The following ZHX1 variants were observed in gnomAD, a reference collection of about 807,000 sequenced individuals.
ZHX1 encodes the protein zinc fingers and homeoboxes protein 1.
A neutral mutation model predicts 61.8 loss-of-function variants in ZHX1; 20 were observed. The observed-to-expected ratio is 0.32, with a 90% confidence interval of 0.23 to 0.47. ZHX1 has a LOEUF of 0.47. ZHX1 is among the 20% of genes least tolerant of loss of function. The pLI is 1.00. For missense variants in ZHX1, 800 were observed against 1,034.8 expected, an observed-to-expected ratio of 0.77 and a Z score of 3.11; for synonymous variants, 318 against 352.6, an observed-to-expected ratio of 0.90 and a Z score of 1.10.
At chr8:123,257,746 G>A (rs1047406667) in intron 2 of ZHX1, among the ~76,000 whole-genome samples, 9 of 152,146 alleles carry the variant, frequency 5.9e-5, no homozygotes, top group Admixed American at 2.0e-4. Context: ...CTAACAGAAG[G>A]CAGAGTTCAG....
rs755157901 is a variant in ZHX1 at position 123,269,115 on chromosome 8, C to T, written c.-339-1729G>A. Among the ~76,000 whole-genome samples, 26 of 152,258 alleles carry T rather than the reference C, an allele frequency of 1.7e-4. No individual in the cohort carries two copies. In the Middle Eastern group the frequency reaches 0.01, roughly 60 times the overall value. ...TTCCTGGTATCTCCTTGTTCCGCCA[C>T]TCGTTAGCCATCAATCTACAGGATG... On this transcript the variant is annotated intron_variant, in intron 1 of 3. Transcript: ENST00000395571.
rs1826017148 is a variant in ZHX1 at position 123,254,646 on chromosome 8, G to A, written c.1301C>T (p.Ala434Val). The A allele has an allele frequency of 2.5e-6, 4 of 1,614,194 alleles. No individual in the cohort carries two copies. Among genetic ancestry groups the A allele is most frequent in the Non-Finnish European group, 3.4e-6 (4 of 1,180,024 alleles). The change falls in exon 3 of 4, where the codon GCT (alanine) becomes GTT (valine). Residue 434 changes from alanine to valine, a missense_variant. Physicochemically the swap from Ala to Val is moderately conservative, Grantham distance 64. Transcript: ENST00000395571. This position sits in a 1 kb window ranked among gnomAD's most constrained non-coding sequence, Gnocchi z 4.1. ...TGGCTTTGTTTCTGCAGTAGGCTGA[G>A]CAGCAGGTACCTGACTTTTCTGTAT... Reference protein sequence around the residue: ...NNIQKSQVPAAQPTAETKPAT... With the variant: ...NNIQKSQVPAVQPTAETKPAT...
chr8:123,255,839 T>A lies in ZHX1; in HGVS notation c.108A>T (p.Thr36=), dbSNP rs2131193478. The A allele has an allele frequency of 6.2e-7, 1 of 1,614,188 alleles. No homozygotes were observed. Among genetic ancestry groups the A allele is most frequent in the Middle Eastern group, 1.7e-4 (1 of 6,060 alleles). The change falls in exon 3 of 4, where the codon ACA becomes ACT. Residue 36 remains threonine (T), a synonymous_variant. Coordinates refer to ENST00000395571, the MANE Select transcript of ZHX1 (RefSeq NM_007222.5). Reference sequence around the variant, plus strand: ...TCTCTGCTCTGGTGTTTTCTACAGGTGTAAGCACAGGAGGACCTTCATCCA... The same window carrying A: ...TCTCTGCTCTGGTGTTTTCTACAGGAGTAAGCACAGGAGGACCTTCATCCA... ...SDLDEGPPVL[T]PVENTRAESI... is the part of the protein sequence containing the mutation.
chr8:123,273,084 C>A (rs994576395), intron 1 of ZHX1, among the ~76,000 whole-genome samples: 1 of 151,694 alleles, frequency 6.6e-6, no homozygotes, highest in Admixed American at 6.6e-5. Flanking sequence ...AGTCTCTGTT[C>A]TAATTCCCCC....
chr8:123,254,306 C>T lies in ZHX1; in HGVS notation c.1641G>A (p.Thr547=), dbSNP rs371126326. The T allele has an allele frequency of 7.9e-5, 127 of 1,613,936 alleles. No individual in the cohort carries two copies. The highest frequency in any genetic ancestry group is 4.0e-4 in the Admixed American group (24 of 59,986). Residue 547 remains threonine, a synonymous_variant, in exon 3 of 4, where the codon ACG becomes ACA. Transcript: ENST00000395571. This position sits in a 1 kb window ranked among gnomAD's most constrained non-coding sequence, Gnocchi z 4.1. ...TIIIDSSDET[T]ESPTVGTAQP... ...GTGCAGTACCAACAGTTGGGGATTC[C>T]GTGGTTTCATCACTGGAGTCTATAA...
chr8:123,256,679 G>A (rs369130588), intron 2 of ZHX1, among the ~76,000 whole-genome samples: 2 of 151,428 alleles, frequency 1.3e-5, no homozygotes, highest in East Asian at 1.9e-4. Flanking sequence ...TAGGAGAATC[G>A]CTTGAACCCA....
chr8:123,254,111 G>A lies in ZHX1; in HGVS notation c.1836C>T (p.Ile612=), dbSNP rs766855693. 2.5e-5 allele frequency: 40 copies of A among 1,613,892 alleles called. No individual in the cohort carries two copies. The highest frequency in any genetic ancestry group is 3.3e-5 in the South Asian group (3 of 91,078). Reference sequence around the variant, plus strand: ...TCTTCTTCTCTGTAAACCAAGCATCGATTTCTCTTCTGGTAAGTTTGGTTT... The same window carrying A: ...TCTTCTTCTCTGTAAACCAAGCATCAATTTCTCTTCTGGTAAGTTTGGTTT... ...RAQTKLTRRE[I]DAWFTEKKKS... is the part of the protein sequence containing the mutation. The change falls in exon 3 of 4, where the codon ATC becomes ATT. Residue 612 remains isoleucine, a synonymous_variant. Transcript: ENST00000395571. The surrounding 1 kb of genome is among the most constrained non-coding windows in gnomAD (Gnocchi z 4.1).
Position 123,254,353 on chromosome 8 carries a change from T to A in ZHX1, c.1594A>T (p.Asn532Tyr). 1.2e-6 allele frequency: 2 copies of A among 1,614,092 alleles called. No individual in the cohort carries two copies. Among genetic ancestry groups the A allele is most frequent in the Non-Finnish European group, 1.7e-6 (2 of 1,180,000 alleles). Residue 532 changes from asparagine to tyrosine, a missense_variant, in exon 3 of 4, where the codon AAT becomes TAT. Coordinates refer to ENST00000395571, the MANE Select transcript of ZHX1 (RefSeq NM_007222.5). The surrounding 1 kb of genome is among the most constrained non-coding windows in gnomAD (Gnocchi z 4.1). Reference protein sequence around the residue: ...SKSNQCLHLNNDSSTTIIIDS... With the variant: ...SKSNQCLHLNYDSSTTIIIDS... ...ATAATAATGGTGGTAGAGGAATCAT[T>A]GTTGAGATGTAAGCACTGATTACTC...
chr8:123,263,863 A>G (rs1184791820), intron 2 of ZHX1, among the ~76,000 whole-genome samples: 1 of 152,172 alleles, frequency 6.6e-6, no homozygotes, highest in Non-Finnish European at 1.5e-5. Flanking sequence ...ATATAACTAT[A>G]CTATGTATTA....
rs1361075964 is a variant in ZHX1, at chr8:123,255,472, T to C, written c.475A>G (p.Lys159Glu). The C allele has an allele frequency of 3.7e-6, 6 of 1,613,396 alleles. No homozygotes were observed. The highest frequency in any genetic ancestry group is 2.2e-5 in the South Asian group (2 of 91,084). ...TCTGCTTGCTCTGCATTCTCCTCTT[T>C]AACAAAACTACCATCAAAAGTCAGA... ...NDLTFDGSFV[K>E]EENAEQAEST... Residue 159 changes from lysine to glutamate, a missense_variant, in exon 3 of 4, where the codon AAA becomes GAA. Coordinates refer to ENST00000395571, the MANE Select transcript of ZHX1 (RefSeq NM_007222.5).
intron 3 of ZHX1, among the ~76,000 whole-genome samples, chr8:123,252,081 G>A (rs1825935479): frequency 2.0e-5 from 3 of 152,130 alleles, no homozygotes; most frequent in African/African-American, 4.8e-5. Context: ...AAAAGCCAAG[G>A]AAATAAGTAA....
chr8:123,261,245 A>G (rs891827776), intron 2 of ZHX1, among the ~76,000 whole-genome samples: 3 of 152,360 alleles, frequency 2.0e-5, no homozygotes, highest in Middle Eastern at 3.4e-3. Context: ...TTATAAAGTC[A>G]TAAGTTTGGA....
chr8:123,272,724 T>C (rs750392169), intron 1 of ZHX1, among the ~76,000 whole-genome samples: 1 of 152,142 alleles, frequency 6.6e-6, no homozygotes, highest in Non-Finnish European at 1.5e-5. Flanking sequence ...AAATCTAAAG[T>C]GCTCTTATAT....
At chr8:123,267,650 G>A (rs1171881799) in intron 1 of ZHX1, among the ~76,000 whole-genome samples, 3 of 152,000 alleles carry the variant, frequency 2.0e-5, no homozygotes, top group Admixed American at 6.6e-5. Context: ...ATTTCAAAAC[G>A]TGAATATATG....
In ZHX1 at chr8:123,268,632, C is replaced by A. The variant is rs180677931; in HGVS notation, c.-339-1246G>T. 1.5e-4 allele frequency among the ~76,000 whole-genome samples: 23 copies of A among 152,188 alleles called. No homozygotes were observed. In the East Asian group the frequency reaches 4.4e-3, roughly 29 times the overall value. ...TCAGCCTCCCGAGTAGCTGGGATTA[C>A]AGGCACACGCCACCACACCCAACTA... On this transcript the variant is annotated intron_variant, in intron 1 of 3. Coordinates refer to ENST00000395571, the MANE Select transcript of ZHX1 (RefSeq NM_007222.5).
At position 123,253,751 on chromosome 8, in the gene ZHX1, A is replaced by G. The variant is rs1353766007; in HGVS notation, c.2196T>C (p.Ser732=). The change falls in exon 3 of 4, where the codon AGT becomes AGC. Residue 732 remains serine (S), a synonymous_variant. Coordinates refer to ENST00000395571, the MANE Select transcript of ZHX1 (RefSeq NM_007222.5). The part of the protein sequence containing the change: ...WYYYYQSANS[S]SMNGLSSLRK... The stretch of plus-strand genomic sequence containing the variant: ...TAAGGGAAGACAGACCATTCATACT[A>G]CTTGAATTGGCGCTCTGATAGTAGT... The G allele has an allele frequency of 1.2e-6, 2 of 1,613,958 alleles. No homozygotes were observed. Among genetic ancestry groups the G allele is most frequent in the Non-Finnish European group, 1.7e-6 (2 of 1,180,002 alleles).
Position 123,249,807 on chromosome 8 carries a change from C to T in ZHX1, c.*517G>A, listed in dbSNP as rs148236903. The T allele has an allele frequency of 2.8e-5, 4 of 140,940 alleles. No individual in the cohort carries two copies. Among genetic ancestry groups the T allele is most frequent in the African/African-American group, 8.0e-5 (3 of 37,674 alleles). The allele number at this position is 140,940 out of a possible 1,614,324, so 8.7% of individuals were successfully genotyped here. On this transcript the variant is annotated 3_prime_UTR_variant, in exon 4 of 4. Coordinates refer to ENST00000395571, the MANE Select transcript of ZHX1 (RefSeq NM_007222.5). ...ACAACTTTTAATCTTAGTGCAGGGT[C>T]TGATAAATAAGACATAGTAATAAAT...
Position 123,249,650 on chromosome 8 carries a change from TAGAAACAGTG to T in ZHX1, c.*664_*673del, listed in dbSNP as rs1825862634. ...CAGCTTCTAATGGAACAAGTAACAG[TAGAAACAGTG>T]GTATTCATGGATGTGTTTAATGAAG... On this transcript the variant is annotated 3_prime_UTR_variant, in exon 4 of 4. Transcript: ENST00000395571. 6.6e-6 allele frequency: 1 copy of T among 152,108 alleles called. No individual in the cohort carries two copies. The highest frequency in any genetic ancestry group is 1.5e-5 in the Non-Finnish European group (1 of 67,970). The allele number at this position is 152,108 out of a possible 1,614,324, so 9.4% of individuals were successfully genotyped here.
Position 123,255,078 on chromosome 8 carries a change from T to C in ZHX1, c.869A>G (p.Asn290Ser), listed in dbSNP as rs572569224. 3 of 1,614,148 alleles carry C rather than the reference T, an allele frequency of 1.9e-6. No homozygotes were observed. Among genetic ancestry groups the C allele is most frequent in the East Asian group, 2.2e-5 (1 of 44,886 alleles). ...LIPVNSIPTY[N>S]AALDNNPLLL... ...AAGGGGATTGTTATCCAATGCAGCA[T>C]TGTAGGTGGGAATGCTATTAACAGG... The change falls in exon 3 of 4, where the codon AAT (asparagine) becomes AGT (serine). Residue 290 changes from asparagine (N) to serine (S), a missense_variant. Transcript: ENST00000395571.
Sources: gnomAD v4.1 joint callset for allele counts (sites outside exome capture counted in the v4.1 genomes callset) on GRCh38, gnomAD v4.1.1 for gene constraint, Gnocchi (gnomAD v3.1) non-coding constraint, MANE v1.5 for transcripts, NCBI Gene and HGNC (gene_info 2026-07-23, HGNC 2026-07-21) for gene names.